The following ZNF385B variants were observed in gnomAD, a reference collection of about 807,000 sequenced individuals.
ZNF385B encodes the protein zinc finger protein 533.
A neutral mutation model predicts 39.2 loss-of-function variants in ZNF385B; 23 were observed. The ratio of observed to expected loss-of-function variants is 0.59; its 90% CI spans 0.42 to 0.83. The LOEUF (loss-of-function observed/expected upper bound fraction) is 0.83. Ranked by LOEUF, ZNF385B falls within the 40% of genes least tolerant of loss-of-function variation. The pLI is 0.00. For missense variants in ZNF385B, 552 were observed against 598.9 expected (o/e 0.92, Z 0.82); for synonymous variants, 205 against 222.6 (o/e 0.92, Z 0.70).
intron 3 of ZNF385B, among the ~76,000 whole-genome samples, chr2:179,691,901 ATGG>A (rs1345300137): frequency 2.0e-5 from 3 of 152,192 alleles, no homozygotes; most frequent in African/African-American, 7.2e-5. Flanking sequence ...GTACATATTT[ATGG>A]TATACATGTG....
At position 179,733,660 on chromosome 2, in the gene ZNF385B, G is replaced by C. The variant is rs368224442; in HGVS notation, c.298+35843C>G. Among the ~76,000 whole-genome samples the C allele has an allele frequency of 2.6e-5, 4 of 152,004 alleles. No homozygotes were observed. The South Asian group carries it at 8.3e-4, about 32-fold the overall frequency. On this transcript the variant is annotated intron_variant, in intron 3 of 9. Coordinates refer to ENST00000410066, the MANE Select transcript of ZNF385B (RefSeq NM_152520.6). Reference sequence around the variant, plus strand: ...TAGCCGGGCGCGGTGGCGGGTGCCTGTAGTCCCAGCTACTCCGGAGGCGGA... The same window carrying C: ...TAGCCGGGCGCGGTGGCGGGTGCCTCTAGTCCCAGCTACTCCGGAGGCGGA...
intron 3 of ZNF385B, among the ~76,000 whole-genome samples, chr2:179,720,854 G>A (rs1700643050): frequency 6.6e-6 from 1 of 151,438 alleles, no homozygotes; most frequent in Non-Finnish European, 1.5e-5. Context: ...TGAATTCCTG[G>A]GCTCAAGTGA....
intron 3 of ZNF385B, among the ~76,000 whole-genome samples, chr2:179,688,039 T>A (rs141560572): frequency 7.2e-5 from 11 of 152,316 alleles, no homozygotes; most frequent in African/African-American, 2.6e-4. Context: ...ATCCTCTAGC[T>A]ACAAACTGGG....
At chr2:179,730,099 C>G (rs183834918) in intron 3 of ZNF385B, among the ~76,000 whole-genome samples, 55 of 152,304 alleles carry the variant, frequency 3.6e-4, no homozygotes, top group African/African-American at 1.3e-3. Flanking sequence ...CTAAATATAT[C>G]TGGACACTTG....
chr2:179,563,335 T>C (rs569891570), intron 3 of ZNF385B, among the ~76,000 whole-genome samples: 1 of 152,320 alleles, frequency 6.6e-6, no homozygotes, highest in East Asian at 1.9e-4. Context: ...GCTAAGCTGA[T>C]TGTCATTGAT....
At chr2:179,601,239 T>G (rs113665610) in intron 3 of ZNF385B, among the ~76,000 whole-genome samples, 16 of 152,278 alleles carry the variant, frequency 1.1e-4, no homozygotes, top group African/African-American at 3.8e-4. Context: ...ATTTGATAGC[T>G]TTATGCTGAG....
intron 1 of ZNF385B, among the ~76,000 whole-genome samples, chr2:179,803,934 A>C (rs1462117160): frequency 2.0e-5 from 3 of 152,214 alleles, no homozygotes; most frequent in African/African-American, 7.2e-5. Context: ...AGGCATTTCC[A>C]CCACATAATT....
At chr2:179,702,490 C>T (rs997431192) in intron 3 of ZNF385B, among the ~76,000 whole-genome samples, 29 of 152,140 alleles carry the variant, frequency 1.9e-4, no homozygotes, top group African/African-American at 6.5e-4. Flanking sequence ...AAGCGATCCA[C>T]GTGCTAAACA....
At chr2:179,683,566 C>T (rs1697697889) in intron 3 of ZNF385B, among the ~76,000 whole-genome samples, 1 of 151,642 alleles carries the variant, frequency 6.6e-6, no homozygotes, top group Non-Finnish European at 1.5e-5. Context: ...ACATCTGCCT[C>T]CCGGGTTCAA....
intron 1 of ZNF385B, among the ~76,000 whole-genome samples, chr2:179,773,911 T>C (rs1575465722): frequency 6.6e-6 from 1 of 152,218 alleles, no homozygotes; most frequent in South Asian, 2.1e-4. Flanking sequence ...TTGTATAAAA[T>C]AGGCACTTAA....
intron 3 of ZNF385B, among the ~76,000 whole-genome samples, chr2:179,599,786 T>G (rs1428308106): frequency 9.9e-5 from 15 of 152,242 alleles, no homozygotes; most frequent in Middle Eastern, 3.4e-3. Context: ...TCAAATAACA[T>G]TCTGAAGACT....
intron 3 of ZNF385B, among the ~76,000 whole-genome samples, chr2:179,642,339 T>C (rs1316369737): frequency 6.6e-6 from 1 of 152,154 alleles, no homozygotes; most frequent in African/African-American, 2.4e-5. Context: ...CTTCCTCTAG[T>C]TTCATTTACA....
chr2:179,795,151 GAA>G (rs372046933), intron 1 of ZNF385B, among the ~76,000 whole-genome samples: 20 of 152,132 alleles, frequency 1.3e-4, no homozygotes, highest in African/African-American at 4.6e-4. Context: ...AGCTAAAAAA[GAA>G]AAGAGGGGTA....
chr2:179,753,493 A>G (rs1212883851), intron 3 of ZNF385B, among the ~76,000 whole-genome samples: 1 of 152,194 alleles, frequency 6.6e-6, no homozygotes, highest in Non-Finnish European at 1.5e-5. Flanking sequence ...TGGTAGCTTG[A>G]TAGGGATAGC....
intron 3 of ZNF385B, among the ~76,000 whole-genome samples, chr2:179,593,219 A>T (rs1234968628): frequency 6.6e-6 from 1 of 152,182 alleles, no homozygotes; most frequent in Non-Finnish European, 1.5e-5. Context: ...ACATTCAGAA[A>T]TTGTAAATGA....
chr2:179,482,994 G>A (rs1024348841), intron 6 of ZNF385B, among the ~76,000 whole-genome samples: 1 of 151,342 alleles, frequency 6.6e-6, no homozygotes, highest in Non-Finnish European at 1.5e-5. Context: ...TTGTGATCAA[G>A]TAGTCTCTAC....
Position 179,775,852 on chromosome 2 carries a change from C to T in ZNF385B, c.-154-5180G>A, listed in dbSNP as rs534840958. 3.3e-5 allele frequency among the ~76,000 whole-genome samples: 5 copies of T among 152,370 alleles called. No homozygotes were observed. In the South Asian group the frequency reaches 8.3e-4, roughly 25 times the overall value. ...ACAATCATATGAAAGGTTGTCTTCA[C>T]TGTGACACAGCTGCTTCTCTGCAAA... On this transcript the variant is annotated intron_variant, in intron 1 of 9. Coordinates refer to ENST00000410066, the MANE Select transcript of ZNF385B (RefSeq NM_152520.6).
intron 3 of ZNF385B, among the ~76,000 whole-genome samples, chr2:179,695,243 C>A (rs1698649969): frequency 1.3e-5 from 2 of 151,862 alleles, no homozygotes; most frequent in Non-Finnish European, 2.9e-5. Flanking sequence ...ATTAGGGTGA[C>A]CATATAATTT....
At chr2:179,757,837 C>A (rs190497018) in intron 3 of ZNF385B, among the ~76,000 whole-genome samples, 3 of 152,058 alleles carry the variant, frequency 2.0e-5, no homozygotes, top group Non-Finnish European at 4.4e-5. Flanking sequence ...TGGGAGTGAC[C>A]CAATTTTCCA....
Sources: allele counts gnomAD v4.1 joint callset (sites outside exome capture counted in the v4.1 genomes callset), GRCh38; gene constraint gnomAD v4.1.1; transcripts MANE v1.5; gene names NCBI Gene and HGNC (gene_info 2026-07-23, HGNC 2026-07-21).